Variants in WFDC3 observed in about 807,000 individuals in gnomAD.
WFDC3 encodes the protein WAP four-disulfide core domain protein 3.
Under a neutral mutation model 25.8 loss-of-function variants are expected in WFDC3, and 15 were observed. That is an observed-to-expected ratio of 0.58 (90% CI 0.39 to 0.89). The LOEUF is 0.89. Among genes scored for constraint, WFDC3 ranks in the 40% least tolerant of loss-of-function variants. The pLI is 0.00. For missense variants in WFDC3, 264 were observed against 289.8 expected (o/e 0.91, Z 0.65); for synonymous variants, 103 against 107.1 (o/e 0.96, Z 0.24).
At chr20:45,779,187 T>A (rs1174069150) in intron 4 of WFDC3, among the ~76,000 whole-genome samples, 1 of 152,222 alleles carries the variant, frequency 6.6e-6, no homozygotes, top group East Asian at 1.9e-4. Context: ...GAAGGCCACA[T>A]CCAAACCAAA....
chr20:45,777,321 G>A lies in WFDC3; in HGVS notation c.359-112C>T, dbSNP rs191670531. On this transcript the variant is annotated intron_variant, in intron 4 of 6. Transcript: ENST00000243938. ...TTATATATTTATATACATATATAAT[G>A]TAAATATTTATGTGTATCATGTATC... 7 of 1,089,880 alleles carry A rather than the reference G, an allele frequency of 6.4e-6. No homozygotes were observed. In the South Asian group the frequency reaches 2.3e-4, roughly 35 times the overall value. The allele number at this position is 1,089,880 out of a possible 1,614,324, so 67.5% of individuals were successfully genotyped here.
At chr20:45,780,567 A>G (rs1435268353) in intron 4 of WFDC3, among the ~76,000 whole-genome samples, 1 of 152,168 alleles carries the variant, frequency 6.6e-6, no homozygotes, top group African/African-American at 2.4e-5. Flanking sequence ...TTAGCTTACC[A>G]GGAATCAGGA....
At chr20:45,780,479 C>G (rs1313705819) in intron 4 of WFDC3, among the ~76,000 whole-genome samples, 2 of 152,216 alleles carry the variant, frequency 1.3e-5, no homozygotes, top group Non-Finnish European at 2.9e-5. Flanking sequence ...GCAGGATCCT[C>G]TGTCTTTCAC....
rs149304759 is a variant in WFDC3 at position 45,789,003 on chromosome 20, C to T, written c.139G>A (p.Asp47Asn). Reference sequence around the variant, plus strand: ...TTCTGTTCAGCCGGACACAATTCATCACCCTGGCACAGCTCTTTGCATGGG... The same window carrying T: ...TTCTGTTCAGCCGGACACAATTCATTACCCTGGCACAGCTCTTTGCATGGG... ...KNPCKELCQG[D>N]ELCPAEQKCC... is the part of the protein sequence containing the mutation. The change falls in exon 3 of 7, where the codon GAT (aspartate) becomes AAT (asparagine). Residue 47 changes from aspartate (D) to asparagine (N), a missense_variant. Physicochemically the swap from Asp to Asn is conservative, Grantham distance 23 (BLOSUM62 1). Coordinates refer to ENST00000243938, the MANE Select transcript of WFDC3 (RefSeq NM_080614.2). The T allele has an allele frequency of 3.3e-5, 54 of 1,613,736 alleles. No homozygotes were observed. The highest frequency in any genetic ancestry group is 4.4e-5 in the Non-Finnish European group (52 of 1,179,946).
chr20:45,783,687 G>T (rs537790978), intron 4 of WFDC3, among the ~76,000 whole-genome samples: 1 of 152,114 alleles, frequency 6.6e-6, no homozygotes, highest in African/African-American at 2.4e-5. Context: ...CCCAATGTCT[G>T]CCCTTGCCCT....
Position 45,774,464 on chromosome 20 carries a change from C to G in WFDC3, c.680-20G>C. 1 of 1,614,058 alleles carries G rather than the reference C, an allele frequency of 6.2e-7. No individual in the cohort carries two copies. Among genetic ancestry groups the G allele is most frequent in the Non-Finnish European group, 8.5e-7 (1 of 1,179,956 alleles). ...GGATCTCTGCAAGTAGAAGAAACAT[C>G]AAGTCACAGCTGTGCCCTCCTGGCT... is the stretch of plus-strand genomic sequence containing the variant. On this transcript the variant is annotated intron_variant, in intron 6 of 6. Coordinates refer to ENST00000243938, the MANE Select transcript of WFDC3 (RefSeq NM_080614.2).
chr20:45,781,121 T>C lies in WFDC3; in HGVS notation c.359-3912A>G, dbSNP rs185609391. Among the ~76,000 whole-genome samples, 422 of 147,362 alleles carry C rather than the reference T, an allele frequency of 2.9e-3. 4 individuals are homozygous for C. Among genetic ancestry groups the C allele is most frequent in the East Asian group, 0.016 (79 of 5,064 alleles). Reference sequence around the variant, plus strand: ...AAAAAAAGCCGGGTGTGGTGATGGGTGCCTGTAATCCCAGCTACTGGGGAG... The same window carrying C: ...AAAAAAAGCCGGGTGTGGTGATGGGCGCCTGTAATCCCAGCTACTGGGGAG... On this transcript the variant is annotated intron_variant, in intron 4 of 6. Coordinates refer to ENST00000243938, the MANE Select transcript of WFDC3 (RefSeq NM_080614.2).
At chr20:45,790,616 G>A (rs757326581) in intron 1 of WFDC3, among the ~76,000 whole-genome samples, 57 of 152,144 alleles carry the variant, frequency 3.7e-4, no homozygotes, top group African/African-American at 1.1e-3. Context: ...TCCCAGCTAC[G>A]TGGGAGGCTG....
At position 45,787,865 on chromosome 20, in the gene WFDC3, C is replaced by T. The variant is rs944604242; in HGVS notation, c.329G>A (p.Cys110Tyr). 6.2e-7 allele frequency: 1 copy of T among 1,613,872 alleles called. No individual in the cohort carries two copies. The highest frequency in any genetic ancestry group is 8.5e-7 in the Non-Finnish European group (1 of 1,179,932). The change falls in exon 4 of 7, where the codon TGT becomes TAT. Residue 110 changes from cysteine to tyrosine, a missense_variant. Coordinates refer to ENST00000243938, the MANE Select transcript of WFDC3 (RefSeq NM_080614.2). Reference protein sequence around the residue: ...KCCTLGCNKSCVVPISKQKLA... With the variant: ...KCCTLGCNKSYVVPISKQKLA... Reference sequence around the variant, plus strand: ...CTTCTGTTTAGAGATTGGGACTACACAGCTCTTGTTGCAGCCAAGCGTGCA... The same window carrying T: ...CTTCTGTTTAGAGATTGGGACTACATAGCTCTTGTTGCAGCCAAGCGTGCA...
chr20:45,776,635 A>AAATAT (rs1555812766), intron 5 of WFDC3, among the ~76,000 whole-genome samples: 2 of 92,932 alleles, frequency 2.2e-5, no homozygotes, highest in Non-Finnish European at 4.1e-5. Context: ...AAAAAAAAAA[A>AAATAT]ATATATATAT....
chr20:45,787,015 A>G (rs573003349), intron 4 of WFDC3, among the ~76,000 whole-genome samples: 2 of 145,786 alleles, frequency 1.4e-5, no homozygotes, highest in East Asian at 4.4e-4. Context: ...AATTGCTTGA[A>G]CCTGGGAGGC....
rs6032538 is a variant in WFDC3, at chr20:45,789,036, G to C, written c.106C>G (p.His36Asp). The C allele has an allele frequency of 0.71, 1,141,951 of 1,612,010 alleles. 406,684 individuals are homozygous for C. The highest frequency in any genetic ancestry group is 0.8 in the Admixed American group (47,724 of 59,486). ...CACAGCTCTTTGCATGGGTTCTTAT[G>C]GGGAGGGCATTCTCCCTCTTTTGCT... is the stretch of plus-strand genomic sequence containing the variant. ...EHAKEGECPP[H>D]KNPCKELCQG... The change falls in exon 3 of 7, where the codon CAT becomes GAT. Residue 36 changes from histidine (H) to aspartate (D), a missense_variant. Transcript: ENST00000243938.
chr20:45,788,216 A>C (rs1204164112), intron 3 of WFDC3: 1 of 318,328 alleles, frequency 3.1e-6, no homozygotes, highest in Non-Finnish European at 5.8e-6. Flanking sequence ...AGGCAGGAGA[A>C]TCACTTGAAC....
intron 4 of WFDC3, among the ~76,000 whole-genome samples, chr20:45,784,546 A>C (rs1042218819): frequency 2.0e-5 from 3 of 152,222 alleles, no homozygotes; most frequent in Non-Finnish European, 4.4e-5. Context: ...GTTTGAGACC[A>C]GCCTGACCAA....
At position 45,791,855 on chromosome 20, in the gene WFDC3, T is replaced by G; in HGVS notation, c.-31A>C. The G allele has an allele frequency of 2.1e-6, 1 of 486,872 alleles. No homozygotes were observed. Among genetic ancestry groups the G allele is most frequent in the Non-Finnish European group, 3.2e-6 (1 of 307,846 alleles). The allele number at this position is 486,872 out of a possible 1,614,324, so 30.2% of individuals were successfully genotyped here. ...ACAAGGCCTCTAAGTGTAACTGTCC[T>G]GGGCGAGGCGCGGCGGTTCGGTTCC... is the stretch of plus-strand genomic sequence containing the variant. On this transcript the variant is annotated 5_prime_UTR_variant, in exon 1 of 7. Transcript: ENST00000243938.
At chr20:45,789,559 A>G (rs1187453745) in intron 2 of WFDC3, among the ~76,000 whole-genome samples, 3 of 152,040 alleles carry the variant, frequency 2.0e-5, no homozygotes, top group Non-Finnish European at 4.4e-5. Context: ...CACAAATACT[A>G]ACATATATCC....
chr20:45,779,623 C>G (rs573252203), intron 4 of WFDC3, among the ~76,000 whole-genome samples: 5 of 152,198 alleles, frequency 3.3e-5, no homozygotes, highest in Admixed American at 3.3e-4. Context: ...GGAACAAAAG[C>G]CTTCTATCTC....
intron 5 of WFDC3, 73 bp from the exon 6 acceptor site, chr20:45,775,675 T>C (rs1980110588): frequency 1.9e-6 from 3 of 1,579,428 alleles, no homozygotes; most frequent in Non-Finnish European, 2.6e-6. Flanking sequence ...ATCGTGAACT[T>C]ACACACAGAG....
chr20:45,788,476 C>G (rs1202672332), intron 3 of WFDC3: 1 of 158,522 alleles, frequency 6.3e-6, no homozygotes, highest in Middle Eastern at 3.0e-3. Flanking sequence ...TTTACTGTAA[C>G]ATTTACTGAC....
Sources: allele counts gnomAD v4.1 joint callset (sites outside exome capture counted in the v4.1 genomes callset), GRCh38; gene constraint gnomAD v4.1.1; transcripts MANE v1.5; gene names NCBI Gene and HGNC (gene_info 2026-07-23, HGNC 2026-07-21).